PCNX2: variants seen among roughly 807,000 people sequenced by gnomAD.
PCNX2 encodes the protein pecanex-like protein 2.
Under a neutral mutation model 223.8 loss-of-function variants are expected in PCNX2, and 168 were observed. The observed-to-expected ratio is 0.75, with a 90% confidence interval of 0.66 to 0.85. PCNX2 has a LOEUF of 0.85. Ranked by LOEUF, PCNX2 falls within the 40% of genes least tolerant of loss-of-function variation. The probability of loss-of-function intolerance (pLI) is 0.00; values close to 1 mark genes in which losing one functional copy is unlikely to be tolerated. For missense variants in PCNX2, 2,507 were observed against 2,675.5 expected, an observed-to-expected ratio of 0.94 and a Z score of 1.39; for synonymous variants, 1,006 against 1,052.6, an observed-to-expected ratio of 0.96 and a Z score of 0.86.
Position 233,258,856 on chromosome 1 carries a change from A to C in PCNX2, c.1006T>G (p.Ser336Ala). 6.2e-7 allele frequency: 1 copy of C among 1,613,876 alleles called. No individual in the cohort carries two copies. Among genetic ancestry groups the C allele is most frequent in the African/African-American group, 1.3e-5 (1 of 75,012 alleles). Residue 336 changes from serine (S) to alanine (A), a missense_variant, in exon 5 of 34, where the codon TCC becomes GCC. Ser to Ala is a moderately conservative substitution (Grantham distance 99). Transcript: ENST00000258229. ...TGCAAGGGCAGGTCCCCCTGGCAGG[A>C]GGTATCTACCTGACAGGATGTGTCT... ...PADTSCQVDT[S>A]CQGDLPLHQE...
chr1:233,084,423 A>G (rs1343202708), intron 23 of PCNX2, among the ~76,000 whole-genome samples: 2 of 152,242 alleles, frequency 1.3e-5, no homozygotes, highest in East Asian at 1.9e-4. Context: ...CACATTTGCC[A>G]TAAAGGATAG....
chr1:233,000,311 C>T lies in PCNX2; in HGVS notation c.5322G>A (p.Val1774=). The change falls in exon 30 of 34, where the codon GTG becomes GTA. Residue 1774 remains valine (V), a synonymous_variant. Transcript: ENST00000258229. This position sits in a 1 kb window ranked among gnomAD's most constrained non-coding sequence, Gnocchi z 4.6. ...GAAAGTGTGGCCGCCATACCTTGAT[C>T]ACCTTGAAGCTCAGGAAGCTTCTGT... ...MLHRSFLSFK[V]IKVNKECVRG... is the part of the protein sequence containing the mutation. The T allele has an allele frequency of 6.2e-7, 1 of 1,613,938 alleles. No homozygotes were observed. Among genetic ancestry groups the T allele is most frequent in the Non-Finnish European group, 8.5e-7 (1 of 1,179,852 alleles).
chr1:233,089,014 C>T (rs1673740923), intron 23 of PCNX2, among the ~76,000 whole-genome samples: 1 of 152,162 alleles, frequency 6.6e-6, no homozygotes, highest in Non-Finnish European at 1.5e-5. Flanking sequence ...GAGGTGTGAA[C>T]TCAGGCAGGC....
rs567969078 is a variant in PCNX2 at position 232,990,469 on chromosome 1, G to A, written c.5792-3929C>T. ...ACATTTCAGGAGAGCCAACAAGATC[G>A]GCAGCTCTTGGCTCCACTGCTCTTG... On this transcript the variant is annotated intron_variant, in intron 32 of 33. Coordinates refer to ENST00000258229, the MANE Select transcript of PCNX2 (RefSeq NM_014801.4). This position sits in a 1 kb window ranked among gnomAD's most constrained non-coding sequence, Gnocchi z 4.3. Among the ~76,000 whole-genome samples the A allele has an allele frequency of 1.4e-4, 22 of 152,278 alleles. No individual in the cohort carries two copies. Among genetic ancestry groups the A allele is most frequent in the African/African-American group, 5.3e-4 (22 of 41,550 alleles).
At chr1:233,047,439 C>G in intron 25 of PCNX2, 8 of 981,566 alleles carry the variant, frequency 8.2e-6, no homozygotes, top group Non-Finnish European at 9.7e-6. Context: ...AAAAATGGCA[C>G]AGAACTTGTG....
rs376608172 is a variant in PCNX2 at position 233,258,030 on chromosome 1, C to T, written c.1832G>A (p.Arg611Gln). The T allele has an allele frequency of 1.6e-4, 259 of 1,609,548 alleles. No individual in the cohort carries two copies. The highest frequency in any genetic ancestry group is 6.6e-4 in the Middle Eastern group (4 of 6,060). ...AEQNEESGLL[R>Q]DNCSQEKKEE... is the part of the protein sequence containing the mutation. ...ACGGAAATGACATGGAATCGCACCT[C>T]GGAGAAGCCCACTTTCTTCATTCTG... Residue 611 changes from arginine (R) to glutamine (Q), a missense_variant and splice_region_variant, in exon 5 of 34, where the codon CGA becomes CAA. Coordinates refer to ENST00000258229, the MANE Select transcript of PCNX2 (RefSeq NM_014801.4).
At chr1:233,067,069 A>T (rs1234519488) in intron 23 of PCNX2, among the ~76,000 whole-genome samples, 1 of 152,098 alleles carries the variant, frequency 6.6e-6, no homozygotes, top group Non-Finnish European at 1.5e-5. Context: ...AAAGTAACAA[A>T]GCAGCAACCC....
At chr1:233,004,900 G>A (rs1670227156) in intron 28 of PCNX2, among the ~76,000 whole-genome samples, 1 of 152,212 alleles carries the variant, frequency 6.6e-6, no homozygotes, top group African/African-American at 2.4e-5. Context: ...TGGCCTAGAG[G>A]AGCCTGGAAT....
the PCNX2 span, among the ~76,000 whole-genome samples, chr1:233,302,538 T>G: frequency 1.3e-5 from 2 of 151,978 alleles, no homozygotes. Context: ...TTTGTCAATT[T>G]ATGTTCTTTA....
At chr1:233,320,164 T>C in the PCNX2 span, among the ~76,000 whole-genome samples, 1 of 152,180 alleles carries the variant, frequency 6.6e-6, no homozygotes, top group Non-Finnish European at 1.5e-5. Context: ...TTACATGCAA[T>C]TGTAAGAAAT....
intron 25 of PCNX2, chr1:233,032,075 G>C: frequency 1.1e-6 from 1 of 951,572 alleles, no homozygotes; most frequent in Non-Finnish European, 1.2e-6. Flanking sequence ...TCCAATGGAG[G>C]AAATAAGACA....
In PCNX2 at chr1:233,250,773, G is replaced by C; in HGVS notation, c.2188C>G (p.Leu730Val). Reference sequence around the variant, plus strand: ...GAGAGACAGTCATTATTTGATGGTAGAGGCTGTAAAGGGCCTTCTTTCTGA... The same window carrying C: ...GAGAGACAGTCATTATTTGATGGTACAGGCTGTAAAGGGCCTTCTTTCTGA... ...GNQKEGPLQP[L>V]PSNNDCLSQA... The change falls in exon 8 of 34, where the codon CTA becomes GTA. Residue 730 changes from leucine to valine, a missense_variant. Physicochemically the swap from Leu to Val is conservative, Grantham distance 32. Around this residue, in one of 3 missense-constraint regions of PCNX2, gnomAD observed 1,031 missense variants for 1,021.7 expected, o/e 1.01. Transcript: ENST00000258229. 6.2e-7 allele frequency: 1 copy of C among 1,607,502 alleles called. No homozygotes were observed. The highest frequency in any genetic ancestry group is 8.5e-7 in the Non-Finnish European group (1 of 1,176,944).
chr1:233,137,867 G>A (rs182779915), intron 20 of PCNX2, among the ~76,000 whole-genome samples: 128 of 152,172 alleles, frequency 8.4e-4, no homozygotes, highest in Middle Eastern at 3.4e-3. Context: ...TCCTTCTAAC[G>A]CTTACTAGTG....
chr1:233,225,120 A>T (rs1402022262), intron 10 of PCNX2, among the ~76,000 whole-genome samples: 15 of 150,826 alleles, frequency 9.9e-5, no homozygotes, highest in Non-Finnish European at 8.9e-5. Flanking sequence ...TAAAAAAAAA[A>T]AAAAAAAAAA....
chr1:233,124,987 T>A (rs1676016321), intron 21 of PCNX2, among the ~76,000 whole-genome samples: 1 of 152,182 alleles, frequency 6.6e-6, no homozygotes, highest in African/African-American at 2.4e-5. Context: ...ATGAATATAC[T>A]TGGTCATTTA....
intron 19 of PCNX2, among the ~76,000 whole-genome samples, chr1:233,148,189 C>T (rs1042204644): frequency 9.2e-5 from 14 of 152,098 alleles, no homozygotes; most frequent in African/African-American, 1.9e-4. Flanking sequence ...CACCAGCAAG[C>T]GGGAATGAAA....
intron 19 of PCNX2, among the ~76,000 whole-genome samples, chr1:233,148,558 G>A (rs994157697): frequency 2.6e-5 from 4 of 151,626 alleles, no homozygotes; most frequent in South Asian, 4.2e-4. Context: ...GTGCCACTAC[G>A]CCAGGCTAAT....
Position 233,291,448 on chromosome 1 carries a change from A to G in PCNX2, c.153+3878T>C, listed in dbSNP as rs376067778. Among the ~76,000 whole-genome samples the G allele has an allele frequency of 3.3e-5, 5 of 152,158 alleles. No homozygotes were observed. The East Asian group carries it at 7.7e-4, about 24-fold the overall frequency. ...AACATGGAGAAACCCCACCTCTACT[A>G]AAAATACAAAATTAGCCAGGGTGGT... On this transcript the variant is annotated intron_variant, in intron 1 of 33. Transcript: ENST00000258229.
chr1:233,132,005 C>G (rs1012524880), intron 21 of PCNX2, among the ~76,000 whole-genome samples: 1 of 150,684 alleles, frequency 6.6e-6, no homozygotes, highest in Non-Finnish European at 1.5e-5. Flanking sequence ...GGTGGGATTT[C>G]AGCTCACTGC....
Sources: gnomAD v4.1 joint callset for allele counts (sites outside exome capture counted in the v4.1 genomes callset) on GRCh38, gnomAD v4.1.1 for gene constraint, gnomAD v4.1.1 regional missense constraint, Gnocchi (gnomAD v3.1) non-coding constraint, MANE v1.5 for transcripts, NCBI Gene and HGNC (gene_info 2026-07-23, HGNC 2026-07-21) for gene names.